CDH4: variants seen among roughly 807,000 people sequenced by gnomAD.
CDH4 encodes cadherin-4.
CDH4 carries 33 observed loss-of-function variants against 86.0 expected under a neutral mutation model. The ratio of observed to expected loss-of-function variants is 0.38; its 90% CI spans 0.29 to 0.51. The LOEUF (loss-of-function observed/expected upper bound fraction) is 0.51, where lower values mean the gene tolerates loss of function less well. Ranked by LOEUF, CDH4 falls within the 20% of genes least tolerant of loss-of-function variation. The pLI is 0.86. For synonymous variants in CDH4, 555 were observed against 549.4 expected (o/e 1.01, Z -0.14); for missense variants, 1,114 against 1,307.4 (o/e 0.85, Z 2.28).
chr20:61,764,798 G>A (rs1018026628), intron 3 of CDH4, among the ~76,000 whole-genome samples: 7 of 152,112 alleles, frequency 4.6e-5, no homozygotes, highest in Admixed American at 1.3e-4. Flanking sequence ...AGGCATCCAC[G>A]TAGCTCCGGA....
chr20:61,339,628 G>T (rs546811587), intron 2 of CDH4, among the ~76,000 whole-genome samples: 128 of 152,252 alleles, frequency 8.4e-4, no homozygotes, highest in African/African-American at 2.8e-3. Context: ...AAAAATCAGG[G>T]TCATGCAGAA....
chr20:61,342,799 A>C (rs948615875), intron 2 of CDH4, among the ~76,000 whole-genome samples: 1 of 152,262 alleles, frequency 6.6e-6, no homozygotes, highest in African/African-American at 2.4e-5. Context: ...TCTGTTAATC[A>C]TGGAGACCGT....
intron 2 of CDH4, among the ~76,000 whole-genome samples, chr20:61,585,855 A>C (rs1013333483): frequency 1.3e-4 from 19 of 148,464 alleles, no homozygotes; most frequent in Admixed American, 3.3e-4. Context: ...GGGGAGGATA[A>C]TGGTGATGAA....
At chr20:61,735,256 G>T (rs1350471791) in intron 2 of CDH4, among the ~76,000 whole-genome samples, 4 of 152,166 alleles carry the variant, frequency 2.6e-5, no homozygotes, top group Non-Finnish European at 5.9e-5. Context: ...CTGGAATTAG[G>T]GACCCCAGAA....
In CDH4 at chr20:61,929,770, G is replaced by A. The variant is rs1363818455; in HGVS notation, c.2167G>A (p.Gly723Ser). Residue 723 changes from glycine to serine, a missense_variant, in exon 13 of 16, where the codon GGC becomes AGC. Coordinates refer to ENST00000614565, the MANE Select transcript of CDH4 (RefSeq NM_001794.5). ...TGACAACGGGGACTGCACCACCATT[G>A]GCGCAGTGGCAGCGGCTGGTCTGGG... ...CDDNGDCTTI[G>S]AVAAAGLGTG... 6.2e-7 allele frequency: 1 copy of A among 1,614,152 alleles called. No individual in the cohort carries two copies. Among genetic ancestry groups the A allele is most frequent in the Non-Finnish European group, 8.5e-7 (1 of 1,180,050 alleles).
intron 2 of CDH4, among the ~76,000 whole-genome samples, chr20:61,551,701 A>C (rs1405032817): frequency 2.0e-5 from 3 of 152,246 alleles, no homozygotes; most frequent in African/African-American, 7.2e-5. Context: ...CACTACTGTG[A>C]AGAATCTTCT....
chr20:61,694,262 A>C (rs1048518672), intron 2 of CDH4, among the ~76,000 whole-genome samples: 1 of 152,142 alleles, frequency 6.6e-6, no homozygotes, highest in Non-Finnish European at 1.5e-5. Context: ...GGAGGAAGCC[A>C]CACTGACTTG....
At chr20:61,495,475 G>A (rs62200944) in intron 2 of CDH4, among the ~76,000 whole-genome samples, 52,308 of 151,830 alleles carry the variant, frequency 0.34, 10,932 homozygotes, top group Admixed American at 0.48. Flanking sequence ...AGGGCAGCCC[G>A]GGACTGCCCA....
rs371518012 is a variant in CDH4, at chr20:61,743,768, G to A, written c.375G>A (p.Ser125=). ...TGCGGTTGCTGGTGGCCCAGACCTC[G>A]TCCCCGCACTCTGGACACAAGGTAA... is the stretch of plus-strand genomic sequence containing the variant. The part of the protein sequence containing the change: ...AVVRLLVAQT[S]SPHSGHKPQK... Residue 125 remains serine, a synonymous_variant, in exon 3 of 16, where the codon TCG becomes TCA. Coordinates refer to ENST00000614565, the MANE Select transcript of CDH4 (RefSeq NM_001794.5). The A allele has an allele frequency of 1.8e-4, 287 of 1,604,464 alleles. No homozygotes were observed. The highest frequency in any genetic ancestry group is 2.2e-4 in the Non-Finnish European group (264 of 1,175,964).
At chr20:61,302,841 G>C (rs530416106) in intron 2 of CDH4, among the ~76,000 whole-genome samples, 1 of 152,372 alleles carries the variant, frequency 6.6e-6, no homozygotes, top group Non-Finnish European at 1.5e-5. Context: ...CCTGGTTGGT[G>C]CCATAGAACC....
intron 2 of CDH4, among the ~76,000 whole-genome samples, chr20:61,572,067 G>C (rs1016347708): frequency 1.3e-5 from 2 of 152,074 alleles, no homozygotes; most frequent in African/African-American, 4.8e-5. Context: ...GAAGCAGCCA[G>C]CCTGAGCCAG....
chr20:61,690,508 C>A lies in CDH4; in HGVS notation c.170-53055C>A, dbSNP rs143902022. Reference sequence around the variant, plus strand: ...CCGAGGCCAAGGAAGGAGTGTGGACCCAATCGGCTGCCCACTTAGTGTCCC... The same window carrying A: ...CCGAGGCCAAGGAAGGAGTGTGGACACAATCGGCTGCCCACTTAGTGTCCC... On this transcript the variant is annotated intron_variant, in intron 2 of 15. Transcript: ENST00000614565. Among the ~76,000 whole-genome samples, 138 of 152,166 alleles carry A rather than the reference C, an allele frequency of 9.1e-4. 1 individual carries two copies. The highest frequency in any genetic ancestry group is 6.8e-3 in the Middle Eastern group (2 of 294).
In CDH4 at chr20:61,706,532, G is replaced by T. The variant is rs1425721831; in HGVS notation, c.170-37031G>T. Among the ~76,000 whole-genome samples the T allele has an allele frequency of 2.0e-5, 3 of 152,302 alleles. No individual in the cohort carries two copies. The East Asian group carries it at 5.8e-4, about 29-fold the overall frequency. On this transcript the variant is annotated intron_variant, in intron 2 of 15. Coordinates refer to ENST00000614565, the MANE Select transcript of CDH4 (RefSeq NM_001794.5). ...AAAGTTTAGCTACGACGAAGACTCCGGGGAGGAAGAACGGATGGAAAGGCC... is the reference window on the plus strand; with the variant it reads ...AAAGTTTAGCTACGACGAAGACTCCTGGGAGGAAGAACGGATGGAAAGGCC...
chr20:61,749,390 A>G (rs2088459775), intron 3 of CDH4, among the ~76,000 whole-genome samples: 1 of 152,262 alleles, frequency 6.6e-6, no homozygotes, highest in African/African-American at 2.4e-5. Flanking sequence ...AAAGCACAGA[A>G]ACCAACCACT....
intron 2 of CDH4, among the ~76,000 whole-genome samples, chr20:61,733,107 G>T (rs974421254): frequency 6.6e-6 from 1 of 152,146 alleles, no homozygotes; most frequent in African/African-American, 2.4e-5. Flanking sequence ...CCAGGGCGAG[G>T]TGGGGAGGTC....
At chr20:61,291,781 A>G (rs2123184587) in intron 2 of CDH4, among the ~76,000 whole-genome samples, 1 of 152,204 alleles carries the variant, frequency 6.6e-6, no homozygotes, top group Middle Eastern at 3.4e-3. Flanking sequence ...GGTACATGTG[A>G]AGGTTTGTCA....
intron 2 of CDH4, among the ~76,000 whole-genome samples, chr20:61,693,439 T>C (rs980880551): frequency 2.6e-5 from 4 of 152,152 alleles, no homozygotes; most frequent in African/African-American, 7.2e-5. Flanking sequence ...CAAAGGTAAT[T>C]CTGTGGGTGG....
intron 5 of CDH4, 81 bp from the exon 6 acceptor site, chr20:61,852,673 C>G: frequency 6.8e-7 from 1 of 1,475,552 alleles, no homozygotes; most frequent in Non-Finnish European, 9.1e-7. Context: ...TCTCCTACCC[C>G]AGCACCGCGG....
chr20:61,929,884 G>T (rs780451281), intron 13 of CDH4, 42 bp downstream of exon 13: 3 of 1,508,418 alleles, frequency 2.0e-6, no homozygotes, highest in South Asian at 1.1e-5. Context: ...GGCATTGTGG[G>T]TATGAGTGCC....
Sources: allele counts gnomAD v4.1 joint callset (sites outside exome capture counted in the v4.1 genomes callset), GRCh38; gene constraint gnomAD v4.1.1; transcripts MANE v1.5; gene names NCBI Gene and HGNC (gene_info 2026-07-23, HGNC 2026-07-21).